The following GRIP1 variants were observed in gnomAD, a reference collection of about 807,000 sequenced individuals.
The protein encoded by GRIP1 is glutamate receptor-interacting protein 1.
A neutral mutation model predicts 129.9 loss-of-function variants in GRIP1; 45 were observed. That is an observed-to-expected ratio of 0.35 (90% CI 0.27 to 0.44). The LOEUF is 0.44. Ranked by LOEUF, GRIP1 falls within the 20% of genes least tolerant of loss-of-function variation. The pLI, the probability that GRIP1 is intolerant of heterozygous loss-of-function variation, is 1.00. For synonymous variants in GRIP1, 530 were observed against 520.8 expected (o/e 1.02, Z -0.24); for missense variants, 1,196 against 1,396.8 (o/e 0.86, Z 2.29).
chr12:66,544,151 A>C (rs969122015), intron 2 of GRIP1, among the ~76,000 whole-genome samples: 1 of 152,208 alleles, frequency 6.6e-6, no homozygotes, highest in South Asian at 2.1e-4. Flanking sequence ...TTAAAATATA[A>C]ATTCATCGAT....
intron 1 of GRIP1, among the ~76,000 whole-genome samples, chr12:66,953,227 A>G (rs2041787749): frequency 6.6e-6 from 1 of 152,236 alleles, no homozygotes; most frequent in African/African-American, 2.4e-5. Flanking sequence ...AAGGACAGAT[A>G]CAACCCAGGT....
Position 66,544,799 on chromosome 12 carries a change from A to G in GRIP1, c.137-2849T>C, listed in dbSNP as rs550757405. Among the ~76,000 whole-genome samples the G allele has an allele frequency of 3.9e-5, 6 of 152,254 alleles. No homozygotes were observed. In the East Asian group the frequency reaches 1.2e-3, roughly 29 times the overall value. ...TGCTTTTGGAGTTTGCTTTTGGCTCACCTGAAGTCTCCACTTGGCTAATTA... is the reference window on the plus strand; with the variant it reads ...TGCTTTTGGAGTTTGCTTTTGGCTCGCCTGAAGTCTCCACTTGGCTAATTA... On this transcript the variant is annotated intron_variant, in intron 2 of 24. Coordinates refer to ENST00000359742, the MANE Select transcript of GRIP1 (RefSeq NM_001366722.1).
chr12:67,032,190 C>T (rs993256163), intron 1 of GRIP1, among the ~76,000 whole-genome samples: 2 of 152,140 alleles, frequency 1.3e-5, no homozygotes, highest in Admixed American at 1.3e-4. Flanking sequence ...TTTTTGAAGA[C>T]AGGAAATCAT....
intron 1 of GRIP1, among the ~76,000 whole-genome samples, chr12:66,771,034 A>G (rs981785672): frequency 2.5e-4 from 38 of 152,182 alleles, no homozygotes; most frequent in African/African-American, 9.2e-4. Context: ...CGGAAATTGC[A>G]GTGAGCCAAG....
At chr12:66,594,355 T>C (rs1592617420) in intron 2 of GRIP1, among the ~76,000 whole-genome samples, 1 of 152,198 alleles carries the variant, frequency 6.6e-6, no homozygotes, top group Admixed American at 6.5e-5. Flanking sequence ...GTAAATGTCA[T>C]CTAGATTAAG....
At chr12:66,421,697 G>C (rs866833071) in intron 14 of GRIP1, among the ~76,000 whole-genome samples, 1 of 144,384 alleles carries the variant, frequency 6.9e-6, no homozygotes, top group Non-Finnish European at 1.5e-5. Context: ...TTTGTTGCTA[G>C]TTAACTAAAT....
At chr12:66,583,672 G>T (rs943282352) in intron 2 of GRIP1, among the ~76,000 whole-genome samples, 2 of 139,718 alleles carry the variant, frequency 1.4e-5, no homozygotes, top group African/African-American at 5.2e-5. Flanking sequence ...CATCATCACT[G>T]GCCATCAGAG....
chr12:67,028,540 G>A (rs1337249627), intron 1 of GRIP1, among the ~76,000 whole-genome samples: 1 of 152,174 alleles, frequency 6.6e-6, no homozygotes, highest in Non-Finnish European at 1.5e-5. Flanking sequence ...TTAGTATAAT[G>A]CAGAATATAG....
chr12:66,401,146 G>A (rs2056973125), intron 16 of GRIP1, among the ~76,000 whole-genome samples: 1 of 152,104 alleles, frequency 6.6e-6, no homozygotes, highest in African/African-American at 2.4e-5. Flanking sequence ...ACAACCCCAA[G>A]TGTTCCAAAA....
At chr12:67,018,868 A>G in intron 1 of GRIP1, among the ~76,000 whole-genome samples, 1 of 152,132 alleles carries the variant, frequency 6.6e-6, no homozygotes, top group Non-Finnish European at 1.5e-5. Flanking sequence ...TTTCAGATGC[A>G]TCAAGTAAGT....
intron 7 of GRIP1, among the ~76,000 whole-genome samples, chr12:66,498,920 G>A (rs938473622): frequency 6.6e-6 from 1 of 152,204 alleles, no homozygotes; most frequent in Non-Finnish European, 1.5e-5. Flanking sequence ...GACCACAGGA[G>A]CTCTGTGAAA....
At chr12:66,479,033 A>C (rs565819829) in intron 7 of GRIP1, among the ~76,000 whole-genome samples, 1 of 151,680 alleles carries the variant, frequency 6.6e-6, no homozygotes, top group East Asian at 1.9e-4. Context: ...TATAATAAAA[A>C]ATATATATTA....
chr12:66,451,424 G>T (rs10083062), intron 11 of GRIP1, among the ~76,000 whole-genome samples: 6 of 41,502 alleles, frequency 1.4e-4, no homozygotes, highest in African/African-American at 2.9e-4. Flanking sequence ...TTTTTTTTCA[G>T]ATAGGCTCTC....
intron 19 of GRIP1, among the ~76,000 whole-genome samples, chr12:66,385,006 C>A (rs778903270): frequency 7.2e-5 from 11 of 152,114 alleles, no homozygotes; most frequent in Non-Finnish European, 1.6e-4. Flanking sequence ...TTAACAGGCT[C>A]TGAGGAATAT....
chr12:66,968,552 G>C (rs1187086414), intron 1 of GRIP1, among the ~76,000 whole-genome samples: 3 of 152,002 alleles, frequency 2.0e-5, no homozygotes, highest in Non-Finnish European at 4.4e-5. Context: ...TGGTTCTAGA[G>C]TTTGCAATAT....
At chr12:66,524,793 AAAG>A (rs2061162123) in intron 5 of GRIP1, among the ~76,000 whole-genome samples, 1 of 152,236 alleles carries the variant, frequency 6.6e-6, no homozygotes, top group Non-Finnish European at 1.5e-5. Flanking sequence ...CAAGACTAAT[AAAG>A]AAGAATAGAG....
At chr12:66,526,383 C>A (rs1253569266) in intron 5 of GRIP1, among the ~76,000 whole-genome samples, 1 of 152,310 alleles carries the variant, frequency 6.6e-6, no homozygotes, top group East Asian at 1.9e-4. Context: ...TGCATGTCTA[C>A]AACCATCTGA....
chr12:66,909,421 GA>G (rs1252108449), intron 1 of GRIP1, among the ~76,000 whole-genome samples: 10 of 152,226 alleles, frequency 6.6e-5, no homozygotes, highest in Admixed American at 6.5e-4. Flanking sequence ...GTTGAAGACT[GA>G]TAAGGGTTTT....
intron 1 of GRIP1, among the ~76,000 whole-genome samples, chr12:66,917,043 T>C (rs1789853297): frequency 6.6e-6 from 1 of 152,228 alleles, no homozygotes. Flanking sequence ...TTTTATTATC[T>C]ATTTTCTGGT....
Sources: allele counts gnomAD v4.1 joint callset (sites outside exome capture counted in the v4.1 genomes callset), GRCh38; gene constraint gnomAD v4.1.1; transcripts MANE v1.5; gene names NCBI Gene and HGNC (gene_info 2026-07-23, HGNC 2026-07-21).